Variants in TRAPPC9 observed in about 807,000 individuals in gnomAD.
TRAPPC9 encodes IKK2 binding protein.
In TRAPPC9, 83 loss-of-function variants were observed where a neutral mutation model predicts 124.0. The observed-to-expected ratio is 0.67, with a 90% CI of 0.56 to 0.80. The LOEUF (loss-of-function observed/expected upper bound fraction) is 0.80, where lower values mean the gene tolerates loss of function less well. TRAPPC9 is among the 30% of genes least tolerant of loss of function. The pLI, the probability that TRAPPC9 is intolerant of heterozygous loss-of-function variation, is 0.00. For synonymous variants in TRAPPC9, 638 were observed against 617.5 expected (o/e 1.03, Z -0.49); for missense variants, 1,302 against 1,508.3 (o/e 0.86, Z 2.27).
intron 17 of TRAPPC9, among the ~76,000 whole-genome samples, chr8:140,188,144 G>A (rs186464030): frequency 7.2e-4 from 110 of 152,338 alleles, no homozygotes; most frequent in Non-Finnish European, 1.1e-3. Flanking sequence ...AAATGTGCGA[G>A]CAGGAATAGA....
chr8:140,275,875 T>C (rs1371581208), intron 14 of TRAPPC9, 54 bp from the exon 15 acceptor site: 35 of 1,445,164 alleles, frequency 2.4e-5, no homozygotes, highest in Non-Finnish European at 2.9e-5. Context: ...CCAAGGCCAT[T>C]TGAAAATTAC....
intron 1 of TRAPPC9, among the ~76,000 whole-genome samples, chr8:140,451,876 T>C (rs1399241826): frequency 6.6e-6 from 1 of 152,084 alleles, no homozygotes; most frequent in Admixed American, 6.6e-5. Flanking sequence ...ATCCTAACAC[T>C]TTGGAAGGCC....
intron 20 of TRAPPC9, among the ~76,000 whole-genome samples, chr8:139,895,529 G>T (rs1231458429): frequency 1.3e-5 from 2 of 152,184 alleles, no homozygotes; most frequent in African/African-American, 4.8e-5. Context: ...TTTTTAAAAC[G>T]ATTTTGAACC....
intron 2 of TRAPPC9, among the ~76,000 whole-genome samples, chr8:140,446,975 C>T (rs2071284120): frequency 6.6e-6 from 1 of 152,206 alleles, no homozygotes; most frequent in African/African-American, 2.4e-5. Flanking sequence ...CCAGCACACT[C>T]CAGCTCCAGC....
chr8:140,125,275 C>T (rs918272008), intron 17 of TRAPPC9, among the ~76,000 whole-genome samples: 9 of 152,164 alleles, frequency 5.9e-5, no homozygotes, highest in Non-Finnish European at 1.3e-4. Flanking sequence ...TGGGTTGTTT[C>T]TGGGAAAGAT....
chr8:139,897,173 C>T (rs1179135377), intron 20 of TRAPPC9, among the ~76,000 whole-genome samples: 1 of 152,218 alleles, frequency 6.6e-6, no homozygotes, highest in African/African-American at 2.4e-5. Context: ...CCTCTCACAG[C>T]GTCCTCCAAG....
intron 21 of TRAPPC9, among the ~76,000 whole-genome samples, chr8:139,806,991 G>A (rs7835774): frequency 0.48 from 73,083 of 152,106 alleles, 17,985 homozygotes; most frequent in Non-Finnish European, 0.52. Context: ...AGCGGCCTCC[G>A]GAGAGCCACC....
intron 17 of TRAPPC9, among the ~76,000 whole-genome samples, chr8:140,199,983 A>G (rs112726040): frequency 6.6e-6 from 1 of 152,318 alleles, no homozygotes; most frequent in Non-Finnish European, 1.5e-5. Flanking sequence ...AATGCCACAG[A>G]AACTGTGTAC....
At chr8:140,431,431 G>A (rs1228599266) in intron 4 of TRAPPC9, among the ~76,000 whole-genome samples, 1 of 151,728 alleles carries the variant, frequency 6.6e-6, no homozygotes, top group East Asian at 1.9e-4. Flanking sequence ...CGGCGACAGA[G>A]TGAGACTCTG....
rs373161920 is a variant in TRAPPC9, at chr8:139,786,813, C to T, written c.3056-54611G>A. On this transcript the variant is annotated intron_variant, in intron 21 of 22. Transcript: ENST00000438773. The stretch of plus-strand genomic sequence containing the variant: ...CAGTTAAAAAAACAGTGTGGGAATC[C>T]ATTTATTTAAAACTCTAGAAAGTGC... 6.6e-5 allele frequency among the ~76,000 whole-genome samples: 10 copies of T among 152,228 alleles called. No individual in the cohort carries two copies. The South Asian group carries it at 1.5e-3, about 22-fold the overall frequency.
chr8:140,287,769 C>G (rs775098272), intron 12 of TRAPPC9, 35 bp from the exon 13 acceptor site: 2 of 1,613,586 alleles, frequency 1.2e-6, no homozygotes, highest in Non-Finnish European at 1.7e-6. Flanking sequence ...AAGCCCGGAG[C>G]AAACCTACTG....
At chr8:140,199,151 G>A (rs1466158934) in intron 17 of TRAPPC9, among the ~76,000 whole-genome samples, 1 of 152,136 alleles carries the variant, frequency 6.6e-6, no homozygotes, top group Non-Finnish European at 1.5e-5. Flanking sequence ...ACAAAGCAGG[G>A]CTTCTTGCAC....
chr8:139,735,801 C>T (rs1241019647), intron 21 of TRAPPC9, among the ~76,000 whole-genome samples: 1 of 152,172 alleles, frequency 6.6e-6, no homozygotes, highest in Non-Finnish European at 1.5e-5. Flanking sequence ...TGTACAACCC[C>T]TTGGGAAGAG....
intron 19 of TRAPPC9, among the ~76,000 whole-genome samples, chr8:139,929,000 G>A (rs1023870618): frequency 3.3e-5 from 5 of 152,084 alleles, no homozygotes; most frequent in Non-Finnish European, 7.4e-5. Context: ...GTGCGTGGGC[G>A]CGGGAGGGTG....
rs560518673 is a variant in TRAPPC9 at position 139,928,334 on chromosome 8, A to G, written c.2811-18034T>C. Among the ~76,000 whole-genome samples, 9 of 152,298 alleles carry G rather than the reference A, an allele frequency of 5.9e-5. No homozygotes were observed. The South Asian group carries it at 1.9e-3, about 32-fold the overall frequency. The stretch of plus-strand genomic sequence containing the variant: ...TGGCAAAATGCCGTCTCTACTAAAA[A>G]GACAAAAATTAGCTGGGTGTGGTGG... On this transcript the variant is annotated intron_variant, in intron 19 of 22. Transcript: ENST00000438773.
At chr8:139,845,140 G>A (rs755668189) in intron 21 of TRAPPC9, among the ~76,000 whole-genome samples, 2 of 152,224 alleles carry the variant, frequency 1.3e-5, no homozygotes, top group Non-Finnish European at 2.9e-5. Flanking sequence ...GGAGATACTA[G>A]GTTTGACCCT....
At chr8:139,920,905 G>C (rs1305676133) in intron 19 of TRAPPC9, among the ~76,000 whole-genome samples, 2 of 152,262 alleles carry the variant, frequency 1.3e-5, no homozygotes, top group African/African-American at 4.8e-5. Flanking sequence ...AACTCGAGGA[G>C]AGAGGTCAAG....
chr8:140,093,883 C>A (rs1202013261), intron 17 of TRAPPC9, among the ~76,000 whole-genome samples: 1 of 152,118 alleles, frequency 6.6e-6, no homozygotes, highest in Non-Finnish European at 1.5e-5. Context: ...CCTTAGTCAT[C>A]CTCATGACTG....
Position 140,156,940 on chromosome 8 carries a change from CTTTCCATTCAAAAGCCTCCCT to C in TRAPPC9, c.2556+64498_2556+64518del, listed in dbSNP as rs1433284109. On this transcript the variant is annotated intron_variant, in intron 17 of 22. Coordinates refer to ENST00000438773, the MANE Select transcript of TRAPPC9 (RefSeq NM_001160372.4). ...TGCAGGAAACATTGGAAAAGCCTCC[CTTTCCATTCAAAAGCCTCCCT>C]TTTCCATTCAAAAGCCTCCCTTTCC... 6.9e-3 allele frequency among the ~76,000 whole-genome samples: 975 copies of C among 141,084 alleles called. 33 individuals carry two copies. The highest frequency in any genetic ancestry group is 0.014 in the African/African-American group (512 of 36,264). The allele number at this position is 141,084 out of a possible 152,430, so 92.6% of individuals were successfully genotyped here.
Sources: allele counts gnomAD v4.1 joint callset (sites outside exome capture counted in the v4.1 genomes callset), GRCh38; gene constraint gnomAD v4.1.1; transcripts MANE v1.5; gene names NCBI Gene and HGNC (gene_info 2026-07-23, HGNC 2026-07-21).